Variants in CDK12 observed in about 807,000 individuals in gnomAD.
CDK12 encodes cyclin-dependent kinase 12.
In CDK12, 17 loss-of-function variants were observed where a neutral mutation model predicts 133.8. That is an observed-to-expected ratio of 0.13 (90% CI 0.09 to 0.19). CDK12 has a LOEUF of 0.19. Ranked by LOEUF, CDK12 falls within the 10% of genes least tolerant of loss-of-function variation. CDK12 has a pLI of 1.00. For synonymous variants in CDK12, 694 were observed against 683.6 expected (o/e 1.02, Z -0.24); for missense variants, 1,508 against 1,818.7 (o/e 0.83, Z 3.11).
At chr17:39,467,093 C>T (rs2049391009) in intron 1 of CDK12, among the ~76,000 whole-genome samples, 1 of 152,066 alleles carries the variant, frequency 6.6e-6, no homozygotes, top group South Asian at 2.1e-4. Context: ...ATTCTCCTGC[C>T]TCAGCCTCCC....
chr17:39,481,804 T>C (rs1382514872), intron 2 of CDK12, among the ~76,000 whole-genome samples: 1 of 150,800 alleles, frequency 6.6e-6, no homozygotes, highest in African/African-American at 2.4e-5. Context: ...CACTGCAACC[T>C]CCGCCTCCCG....
intron 2 of CDK12, among the ~76,000 whole-genome samples, chr17:39,482,620 T>TTTTTTTTTA (rs2050807128): frequency 6.9e-6 from 1 of 145,958 alleles, no homozygotes; most frequent in African/African-American, 2.5e-5. Context: ...TTTTTTTTTT[T>TTTTTTTTTA]GAGGCAGAGT....
chr17:39,463,013 A>C lies in CDK12; in HGVS notation c.942A>C (p.Glu314Asp). ...GCAGGAGACGGTCGTCCAGCTACGAAAGAAGTGGCTCTTACAGCGGGCGAT... is the reference window on the plus strand; with the variant it reads ...GCAGGAGACGGTCGTCCAGCTACGACAGAAGTGGCTCTTACAGCGGGCGAT... Reference protein sequence around the residue: ...PYSRRRSSSYERSGSYSGRSP... With the variant: ...PYSRRRSSSYDRSGSYSGRSP... Residue 314 changes from glutamate to aspartate, a missense_variant, in exon 1 of 14, where the codon GAA becomes GAC. Around this residue, in one of 9 missense-constraint regions of CDK12, gnomAD observed 460 missense variants for 490.8 expected, o/e 0.94. Coordinates refer to ENST00000447079, the MANE Select transcript of CDK12 (RefSeq NM_016507.4). 1 of 1,614,104 alleles carries C rather than the reference A, an allele frequency of 6.2e-7. No homozygotes were observed. The highest frequency in any genetic ancestry group is 8.5e-7 in the Non-Finnish European group (1 of 1,180,012).
chr17:39,506,772 G>C (rs764208502), intron 6 of CDK12, among the ~76,000 whole-genome samples: 2 of 152,180 alleles, frequency 1.3e-5, no homozygotes, highest in African/African-American at 4.8e-5. Context: ...AGGCAAAAAT[G>C]TTAAACCATG....
In CDK12 at chr17:39,479,649, C is replaced by CA. The variant is rs558686706; in HGVS notation, c.1931+7887dup. Among the ~76,000 whole-genome samples, 9 of 151,814 alleles carry CA rather than the reference C, an allele frequency of 5.9e-5. No homozygotes were observed. In the South Asian group the frequency reaches 1.3e-3, roughly 21 times the overall value. On this transcript the variant is annotated intron_variant, in intron 2 of 13. Transcript: ENST00000447079. ...TGTTTTTTGTTTTTTTCCCCCGAGACAGAGTCTTGCTCTGTTGCCCAGGCT... is the reference window on the plus strand; with the variant it reads ...TGTTTTTTGTTTTTTTCCCCCGAGACAAGAGTCTTGCTCTGTTGCCCAGGCT...
intron 6 of CDK12, among the ~76,000 whole-genome samples, chr17:39,502,190 T>C (rs1191238058): frequency 6.6e-6 from 1 of 151,160 alleles, no homozygotes; most frequent in African/African-American, 2.4e-5. Flanking sequence ...TCTTGCTCTG[T>C]CGCCCAGGCT....
At chr17:39,485,514 T>G (rs945029717) in intron 2 of CDK12, among the ~76,000 whole-genome samples, 1 of 145,980 alleles carries the variant, frequency 6.9e-6, no homozygotes, top group Non-Finnish European at 1.5e-5. Flanking sequence ...CGGGTTCAGG[T>G]GATTCCCCTG....
At chr17:39,525,259 T>C (rs547662999) in intron 12 of CDK12, among the ~76,000 whole-genome samples, 66 of 152,344 alleles carry the variant, frequency 4.3e-4, no homozygotes, top group African/African-American at 1.4e-3. Flanking sequence ...TCATAGAATC[T>C]AGTAGTGTTA....
chr17:39,538,285 A>T (rs971627377), downstream of CDK12, among the ~76,000 whole-genome samples: 10 of 152,238 alleles, frequency 6.6e-5, no homozygotes, highest in African/African-American at 2.4e-4. Flanking sequence ...AAGTCAACCT[A>T]GAGACTAGTA....
intron 1 of CDK12, among the ~76,000 whole-genome samples, chr17:39,539,972 A>C (rs910972114): frequency 6.6e-6 from 1 of 152,186 alleles, no homozygotes; most frequent in African/African-American, 2.4e-5. Flanking sequence ...GGCTTGAATG[A>C]GGAATTTGAG....
intron 1 of CDK12, among the ~76,000 whole-genome samples, chr17:39,540,596 G>A (rs2055359884): frequency 6.6e-6 from 1 of 152,242 alleles, no homozygotes; most frequent in Non-Finnish European, 1.5e-5. Context: ...TGACTAGCCT[G>A]TGGCAGCATG....
intron 3 of CDK12, among the ~76,000 whole-genome samples, chr17:39,492,262 A>C (rs1264349801): frequency 6.7e-6 from 1 of 150,002 alleles, no homozygotes; most frequent in Non-Finnish European, 1.5e-5. Context: ...ACGCCCGGCT[A>C]ATTTTTTGTA....
intron 6 of CDK12, among the ~76,000 whole-genome samples, chr17:39,506,741 G>C (rs191262760): frequency 1.3e-5 from 2 of 152,228 alleles, no homozygotes; most frequent in African/African-American, 4.8e-5. Flanking sequence ...GAGGCACTGT[G>C]TACTTGAAGT....
At chr17:39,465,509 C>A (rs960179857) in intron 1 of CDK12, among the ~76,000 whole-genome samples, 2 of 149,666 alleles carry the variant, frequency 1.3e-5, no homozygotes, top group African/African-American at 4.9e-5. Context: ...TTTTTTGAGA[C>A]AGAGTCTTGT....
downstream of CDK12, among the ~76,000 whole-genome samples, chr17:39,537,829 T>G (rs1224199879): frequency 6.6e-6 from 1 of 152,076 alleles, no homozygotes; most frequent in Non-Finnish European, 1.5e-5. Flanking sequence ...CCCAAAGTGC[T>G]CGGCCTCCCA....
chr17:39,541,871 A>T (rs1484841562), intron 1 of CDK12, among the ~76,000 whole-genome samples: 1 of 152,198 alleles, frequency 6.6e-6, no homozygotes, highest in Non-Finnish European at 1.5e-5. Flanking sequence ...GAGGTCAGGT[A>T]ATCTAACCTC....
At chr17:39,470,713 G>C (rs558078684) in intron 1 of CDK12, among the ~76,000 whole-genome samples, 166 bp from the exon 2 acceptor site, 1 of 151,990 alleles carries the variant, frequency 6.6e-6, no homozygotes, top group Non-Finnish European at 1.5e-5. Context: ...TCTCCTTGGG[G>C]TGCCTCTTGA....
chr17:39,545,948 AC>A (rs1296346872), upstream of CDK12, among the ~76,000 whole-genome samples: 1 of 147,154 alleles, frequency 6.8e-6, no homozygotes, highest in Admixed American at 6.8e-5. Flanking sequence ...GGCGCCCGCC[AC>A]CACGCCTGGC....
chr17:39,496,944 A>G (rs1172173201), intron 5 of CDK12, among the ~76,000 whole-genome samples: 1 of 81,556 alleles, frequency 1.2e-5, no homozygotes, highest in Admixed American at 1.5e-4. Flanking sequence ...TTTTTTTTTA[A>G]TTTTGAGAAG....
Sources: allele counts gnomAD v4.1 joint callset (sites outside exome capture counted in the v4.1 genomes callset), GRCh38; gene constraint gnomAD v4.1.1; regional missense constraint gnomAD v4.1.1; transcripts MANE v1.5; gene names NCBI Gene and HGNC (gene_info 2026-07-23, HGNC 2026-07-21).